The following SUSD6 variants were observed in gnomAD, a reference collection of about 807,000 sequenced individuals.
SUSD6 encodes sushi domain-containing protein 6.
In SUSD6, 16 loss-of-function variants were observed where a neutral mutation model predicts 28.4. The ratio of observed to expected loss-of-function variants is 0.56; its 90% CI spans 0.38 to 0.86. The LOEUF (loss-of-function observed/expected upper bound fraction) is 0.86, where lower values mean the gene tolerates loss of function less well. SUSD6 is among the 40% of genes least tolerant of loss of function. SUSD6 has a pLI of 0.00. For synonymous variants in SUSD6, 147 were observed against 159.6 expected (o/e 0.92, Z 0.59); for missense variants, 341 against 384.2 (o/e 0.89, Z 0.94).
intron 1 of SUSD6, among the ~76,000 whole-genome samples, chr14:69,655,594 T>G (rs911144319): frequency 1.3e-5 from 2 of 151,810 alleles, no homozygotes; most frequent in African/African-American, 4.8e-5. Flanking sequence ...GCCAGAAGTT[T>G]GAGAGCAGCC....
chr14:69,699,892 A>T (rs1438149544), intron 2 of SUSD6, among the ~76,000 whole-genome samples: 1 of 152,162 alleles, frequency 6.6e-6, no homozygotes, highest in Non-Finnish European at 1.5e-5. Context: ...GATGAGCTTG[A>T]GGAGACCATT....
intron 1 of SUSD6, among the ~76,000 whole-genome samples, chr14:69,637,449 T>TC (rs1320928110): frequency 6.6e-6 from 1 of 152,038 alleles, no homozygotes; most frequent in Non-Finnish European, 1.5e-5. Context: ...GGAATGAATG[T>TC]CCCCCCCTAA....
intron 2 of SUSD6, among the ~76,000 whole-genome samples, chr14:69,697,176 A>G (rs937528294): frequency 6.6e-5 from 10 of 152,116 alleles, no homozygotes; most frequent in African/African-American, 2.2e-4. Flanking sequence ...TTAGCATGCT[A>G]CTGCATTATA....
intron 1 of SUSD6, among the ~76,000 whole-genome samples, chr14:69,657,464 A>AG (rs397971035): frequency 7.9e-5 from 12 of 152,024 alleles, no homozygotes; most frequent in Non-Finnish European, 1.3e-4. Context: ...CAAAAAAAAA[A>AG]CAAAATCAGA....
chr14:69,663,337 A>G (rs2139617863), intron 2 of SUSD6, among the ~76,000 whole-genome samples: 1 of 152,348 alleles, frequency 6.6e-6, no homozygotes, highest in African/African-American at 2.4e-5. Flanking sequence ...ACCTAAAACA[A>G]TTTTAGAATA....
At chr14:69,679,599 C>T (rs1361759165) in intron 2 of SUSD6, among the ~76,000 whole-genome samples, 3 of 149,150 alleles carry the variant, frequency 2.0e-5, no homozygotes, top group African/African-American at 7.4e-5. Context: ...TTTTAAAGCT[C>T]ATCAGCTATT....
intron 4 of SUSD6, among the ~76,000 whole-genome samples, chr14:69,705,757 C>T (rs945861119): frequency 2.0e-5 from 3 of 152,204 alleles, no homozygotes; most frequent in African/African-American, 7.2e-5. Flanking sequence ...GATTTTCTTG[C>T]CTGCCTTTAT....
intron 2 of SUSD6, among the ~76,000 whole-genome samples, chr14:69,683,818 T>C (rs1232128946): frequency 6.6e-6 from 1 of 152,228 alleles, no homozygotes; most frequent in African/African-American, 2.4e-5. Flanking sequence ...ATAGTATGCC[T>C]CCAGGTGGGC....
chr14:69,633,852 C>T (rs1002022541), intron 1 of SUSD6, among the ~76,000 whole-genome samples: 2 of 152,178 alleles, frequency 1.3e-5, no homozygotes, highest in African/African-American at 4.8e-5. Flanking sequence ...AATGATGATA[C>T]ATGGAATAAA....
At chr14:69,670,425 C>T (rs1315909151) in intron 2 of SUSD6, 1 of 456,640 alleles carries the variant, frequency 2.2e-6, no homozygotes, top group South Asian at 1.5e-5. Context: ...CACAGGAATA[C>T]TCATTAGGGG....
At chr14:69,652,966 G>A (rs540767114) in intron 1 of SUSD6, among the ~76,000 whole-genome samples, 6 of 152,286 alleles carry the variant, frequency 3.9e-5, no homozygotes, top group African/African-American at 1.4e-4. Context: ...AGTTTACAAA[G>A]CATTTCCTCA....
intron 2 of SUSD6, among the ~76,000 whole-genome samples, chr14:69,702,018 C>T (rs923031810): frequency 6.6e-6 from 1 of 152,038 alleles, no homozygotes; most frequent in Non-Finnish European, 1.5e-5. Flanking sequence ...GCTGTGAGGG[C>T]ACAGCTGCAG....
rs569597717 is a variant in SUSD6, at chr14:69,661,310, T to G, written c.121+2597T>G. ...ACCTCATTTTCCAACTACCCACACC[T>G]TCCCAGCTTCCCACTCAAGATCCGA... On this transcript the variant is annotated intron_variant, in intron 2 of 5. Transcript: ENST00000342745. Among the ~76,000 whole-genome samples the G allele has an allele frequency of 5.4e-4, 82 of 152,328 alleles. 1 individual carries two copies. Among genetic ancestry groups the G allele is most frequent in the Non-Finnish European group, 1.0e-3 (69 of 68,012 alleles).
At chr14:69,670,430 TA>T in intron 2 of SUSD6, 1 of 456,674 alleles carries the variant, frequency 2.2e-6, no homozygotes, top group South Asian at 1.5e-5. Flanking sequence ...GAATACTCAT[TA>T]GGGGGTCTCC....
At chr14:69,623,011 G>A (rs1488090204) in intron 1 of SUSD6, among the ~76,000 whole-genome samples, 1 of 152,224 alleles carries the variant, frequency 6.6e-6, no homozygotes, top group Non-Finnish European at 1.5e-5. Context: ...GTACTTGTAT[G>A]TAGTAGTGAT....
intron 1 of SUSD6, among the ~76,000 whole-genome samples, chr14:69,639,232 G>T (rs985773917): frequency 2.8e-5 from 4 of 143,358 alleles, no homozygotes; most frequent in Non-Finnish European, 6.0e-5. Context: ...GGAGGCTGAG[G>T]CAGGAGAATG....
rs1885336273 is a variant in SUSD6 at position 69,640,475 on chromosome 14, C to T, written c.-80-18038C>T. Among the ~76,000 whole-genome samples the T allele has an allele frequency of 2.0e-5, 3 of 152,154 alleles. No individual in the cohort carries two copies. The South Asian group carries it at 6.2e-4, about 32-fold the overall frequency. ...TCAGTCTCCCGAGTAGCCAGGACTA[C>T]AGGTGCACACCACCACACCTGGCTG... On this transcript the variant is annotated intron_variant, in intron 1 of 5. Transcript: ENST00000342745.
At chr14:69,687,187 C>T in intron 2 of SUSD6, among the ~76,000 whole-genome samples, 1 of 152,174 alleles carries the variant, frequency 6.6e-6, no homozygotes. Flanking sequence ...ATTGGTCAGG[C>T]TGGTCTCGAA....
chr14:69,635,185 T>C (rs1417757637), intron 1 of SUSD6, among the ~76,000 whole-genome samples: 1 of 152,204 alleles, frequency 6.6e-6, no homozygotes, highest in Non-Finnish European at 1.5e-5. Flanking sequence ...TCACTTAATA[T>C]GTGAAGGCCT....
Sources: allele counts gnomAD v4.1 joint callset (sites outside exome capture counted in the v4.1 genomes callset), GRCh38; gene constraint gnomAD v4.1.1; transcripts MANE v1.5; gene names NCBI Gene and HGNC (gene_info 2026-07-23, HGNC 2026-07-21).